COL26A1: variants seen among roughly 807,000 people sequenced by gnomAD.
The protein encoded by COL26A1 is collagen alpha-1(XXVI) chain.
COL26A1 carries 41 observed loss-of-function variants against 59.3 expected under a neutral mutation model. That is an observed-to-expected ratio of 0.69 (90% CI 0.54 to 0.90). The LOEUF (loss-of-function observed/expected upper bound fraction) is 0.90. Among genes scored for constraint, COL26A1 ranks in the 40% least tolerant of loss-of-function variants. COL26A1 has a pLI of 0.00. For synonymous variants in COL26A1, 266 were observed against 256.0 expected (o/e 1.04, Z -0.37); for missense variants, 612 against 602.3 (o/e 1.02, Z -0.17).
In COL26A1 at chr7:101,558,147, G is replaced by C. The variant is rs959618643; in HGVS notation, c.*617G>C. On this transcript the variant is annotated 3_prime_UTR_variant, in exon 13 of 13. Transcript: ENST00000313669. ...GGGAGGCTGGGCCAGCCAGCCTGAG[G>C]GGGTAGGCAGGGTCCTGCAGGGCCT... The C allele has an allele frequency of 2.0e-5, 3 of 152,402 alleles. No homozygotes were observed. 9.4% of individuals were successfully genotyped at this position (152,402 alleles called of 1,614,324 possible). A position where few individuals can be genotyped will look rare whatever the true frequency, so the allele number is the denominator to read the frequency against.
intron 2 of COL26A1, among the ~76,000 whole-genome samples, chr7:101,427,196 T>C (rs1402230880): frequency 6.6e-6 from 1 of 152,200 alleles, no homozygotes; most frequent in Non-Finnish European, 1.5e-5. Flanking sequence ...CTGGGTGCCA[T>C]GATGGATGGA....
rs571639522 is a variant in COL26A1 at position 101,551,192 on chromosome 7, T to C, written c.1029+49T>C. Reference sequence around the variant, plus strand: ...GCCTGGGCCACTCCCAGGCAGAGGCTCTGATGCAAGCCCAGGGCACTGGGT... The same window carrying C: ...GCCTGGGCCACTCCCAGGCAGAGGCCCTGATGCAAGCCCAGGGCACTGGGT... On this transcript the variant is annotated intron_variant, in intron 10 of 12. Coordinates refer to ENST00000313669, the MANE Select transcript of COL26A1 (RefSeq NM_001278563.3). 3.8e-5 allele frequency: 53 copies of C among 1,378,288 alleles called. 2 individuals are homozygous for C. The South Asian group carries it at 5.8e-4, about 15-fold the overall frequency. The allele number at this position is 1,378,288 out of a possible 1,614,324, so 85.4% of individuals were successfully genotyped here. A position where few individuals can be genotyped will look rare whatever the true frequency, so the allele number is the denominator to read the frequency against.
chr7:101,393,881 C>T (rs1016495355), intron 1 of COL26A1, among the ~76,000 whole-genome samples: 5 of 151,858 alleles, frequency 3.3e-5, no homozygotes, highest in Admixed American at 1.3e-4. Flanking sequence ...TGAGTAGCTG[C>T]GACTACAGGT....
chr7:101,434,096 C>T (rs1792850551), intron 2 of COL26A1, among the ~76,000 whole-genome samples: 1 of 107,460 alleles, frequency 9.3e-6, no homozygotes, highest in South Asian at 3.8e-4. Context: ...CTCCCTCTTT[C>T]TTTCTGCTTT....
intron 3 of COL26A1, among the ~76,000 whole-genome samples, chr7:101,495,439 C>T (rs1273345198): frequency 4.6e-5 from 7 of 150,720 alleles, no homozygotes; most frequent in East Asian, 2.0e-4. Flanking sequence ...GATGGAGTCT[C>T]GCTCTGTCGC....
At chr7:101,506,577 C>T (rs967333369) in intron 3 of COL26A1, among the ~76,000 whole-genome samples, 25 of 152,298 alleles carry the variant, frequency 1.6e-4, no homozygotes, top group Admixed American at 1.1e-3. Flanking sequence ...CTGGAGATCC[C>T]GGGTACCAGC....
intron 3 of COL26A1, among the ~76,000 whole-genome samples, chr7:101,465,460 G>C (rs987057513): frequency 5.9e-5 from 9 of 152,070 alleles, no homozygotes; most frequent in African/African-American, 2.2e-4. Flanking sequence ...CAGATTACAG[G>C]TGTGAGCCAC....
intron 2 of COL26A1, among the ~76,000 whole-genome samples, chr7:101,430,477 A>G (rs1792753000): frequency 6.6e-6 from 1 of 151,302 alleles, no homozygotes; most frequent in Non-Finnish European, 1.5e-5. Flanking sequence ...TTTTTTTTAG[A>G]GACGGGTTTC....
At position 101,427,092 on chromosome 7, in the gene COL26A1, T is replaced by A. The variant is rs567636222; in HGVS notation, c.281+6993T>A. Reference sequence around the variant, plus strand: ...TTATCTTTAAGAGAGGGAGCCTCACTCTGTTGCTCAGACTGGAGTGCAGTG... The same window carrying A: ...TTATCTTTAAGAGAGGGAGCCTCACACTGTTGCTCAGACTGGAGTGCAGTG... On this transcript the variant is annotated intron_variant, in intron 2 of 12. Transcript: ENST00000313669. Among the ~76,000 whole-genome samples, 27 of 152,330 alleles carry A rather than the reference T, an allele frequency of 1.8e-4. No individual in the cohort carries two copies. The East Asian group carries it at 4.8e-3, about 27-fold the overall frequency.
chr7:101,483,117 C>G (rs1459240201), intron 3 of COL26A1, among the ~76,000 whole-genome samples: 1 of 151,908 alleles, frequency 6.6e-6, no homozygotes, highest in African/African-American at 2.4e-5. Flanking sequence ...TTTAAGGGAG[C>G]AGGGAAATGT....
rs534133358 is a variant in COL26A1, at chr7:101,544,640, G to C, written c.703+544G>C. Among the ~76,000 whole-genome samples the C allele has an allele frequency of 1.7e-3, 252 of 148,724 alleles. 1 individual carries two copies. The highest frequency in any genetic ancestry group is 5.7e-3 in the African/African-American group (229 of 40,216). On this transcript the variant is annotated intron_variant, in intron 6 of 12. Coordinates refer to ENST00000313669, the MANE Select transcript of COL26A1 (RefSeq NM_001278563.3). ...CTCCACCTCCCAGGTTCAAGCAACT[G>C]TCCTGCCTCAGCCTACTGAGTAACT...
intron 1 of COL26A1, among the ~76,000 whole-genome samples, chr7:101,418,007 G>A (rs1792419786): frequency 6.6e-6 from 1 of 152,078 alleles, no homozygotes; most frequent in South Asian, 2.1e-4. Flanking sequence ...TTACAGGCAT[G>A]AGTCACCATG....
intron 3 of COL26A1, among the ~76,000 whole-genome samples, chr7:101,472,062 T>C (rs936565122): frequency 2.6e-5 from 4 of 152,086 alleles, no homozygotes; most frequent in Non-Finnish European, 4.4e-5. Context: ...TGGAGTGCAG[T>C]GGTATAAACA....
At chr7:101,363,625 CGGGGTT>C (rs1421589191) in intron 1 of COL26A1, among the ~76,000 whole-genome samples, 8 of 121,662 alleles carry the variant, frequency 6.6e-5, no homozygotes, top group South Asian at 4.9e-4. Context: ...TGCGGGGCTG[CGGGGTT>C]GCGGGGGCTG....
At position 101,446,087 on chromosome 7, in the gene COL26A1, G is replaced by A. The variant is rs117687128; in HGVS notation, c.282-1597G>A. ...AAAAAAAAAGACAGTGATGGGGGAG[G>A]CGCCACACCATTTTAAATAACCAGA... On this transcript the variant is annotated intron_variant, in intron 2 of 12. Transcript: ENST00000313669. Among the ~76,000 whole-genome samples, 17 of 143,192 alleles carry A rather than the reference G, an allele frequency of 1.2e-4. No individual in the cohort carries two copies. In the East Asian group the frequency reaches 3.1e-3, roughly 26 times the overall value. The allele number at this position is 143,192 out of a possible 152,430, so 93.9% of individuals were successfully genotyped here.
intron 3 of COL26A1, among the ~76,000 whole-genome samples, chr7:101,483,675 C>CTTTT (rs34954444): frequency 6.8e-6 from 1 of 147,794 alleles, no homozygotes. Context: ...GTCCAGCTAA[C>CTTTT]TTTGTTTTTT....
chr7:101,518,413 T>G (rs1795074913), intron 3 of COL26A1, among the ~76,000 whole-genome samples: 2 of 152,176 alleles, frequency 1.3e-5, no homozygotes, highest in South Asian at 4.1e-4. Flanking sequence ...CTTTGAACCT[T>G]GACCTTGGGC....
intron 3 of COL26A1, among the ~76,000 whole-genome samples, chr7:101,474,718 G>A (rs565157823): frequency 2.0e-5 from 3 of 152,206 alleles, no homozygotes; most frequent in Non-Finnish European, 4.4e-5. Flanking sequence ...TAAGTCCATA[G>A]TTAATACCCC....
At chr7:101,556,362 T>C (rs1795975076) in intron 12 of COL26A1, among the ~76,000 whole-genome samples, 1 of 152,200 alleles carries the variant, frequency 6.6e-6, no homozygotes, top group Non-Finnish European at 1.5e-5. Context: ...TAGAGGCCCA[T>C]CAGCATTTGC....
Sources: gnomAD v4.1 joint callset for allele counts (sites outside exome capture counted in the v4.1 genomes callset) on GRCh38, gnomAD v4.1.1 for gene constraint, MANE v1.5 for transcripts, NCBI Gene and HGNC (gene_info 2026-07-23, HGNC 2026-07-21) for gene names.